PCDHGA7: variants seen among roughly 807,000 people sequenced by gnomAD.
The protein encoded by PCDHGA7 is protocadherin gamma-A7.
A neutral mutation model predicts 58.3 loss-of-function variants in PCDHGA7; 44 were observed. That is an observed-to-expected ratio of 0.75 (90% confidence interval 0.59 to 0.97). The LOEUF is 0.97. Among genes scored for constraint, PCDHGA7 ranks in the 50% least tolerant of loss-of-function variants. PCDHGA7 has a pLI of 0.00. For synonymous variants in PCDHGA7, 516 were observed against 504.2 expected (o/e 1.02, Z -0.31); for missense variants, 1,266 against 1,188.7 (o/e 1.06, Z -0.96).
At chr5:141,458,090 G>C (rs1306631184) in intron 1 of PCDHGA7, among the ~76,000 whole-genome samples, 2 of 152,234 alleles carry the variant, frequency 1.3e-5, no homozygotes, top group Non-Finnish European at 1.5e-5. Context: ...CGTAAGTTAA[G>C]AGTACTTACA....
At chr5:141,439,412 T>G (rs2098111019) in intron 1 of PCDHGA7, among the ~76,000 whole-genome samples, 1 of 152,194 alleles carries the variant, frequency 6.6e-6, no homozygotes, top group Admixed American at 6.5e-5. Flanking sequence ...CTAACATCAC[T>G]GAGGTTATAA....
chr5:141,451,740 G>A (rs370710201), intron 1 of PCDHGA7, among the ~76,000 whole-genome samples: 1 of 152,108 alleles, frequency 6.6e-6, no homozygotes, highest in Non-Finnish European at 1.5e-5. Context: ...AAATTAGCTG[G>A]TCTGGTGGTG....
intron 2 of PCDHGA7, among the ~76,000 whole-genome samples, chr5:141,501,290 TACACACACACACACACACACACAC>T (rs55762287): frequency 7.3e-6 from 1 of 136,162 alleles, no homozygotes; most frequent in African/African-American, 2.7e-5. Flanking sequence ...TATTCCCTTA[TACACACACACACACACACACACAC>T]ACACACACAC....
chr5:141,412,569 T>C (rs1469611879), intron 1 of PCDHGA7: 3 of 152,228 alleles, frequency 2.0e-5, no homozygotes, highest in Admixed American at 6.5e-5. Flanking sequence ...GTTTATTTAA[T>C]ATAATCTTTG....
At position 141,494,885 on chromosome 5, in the gene PCDHGA7, G is replaced by T; in HGVS notation, c.2483+20G>T. The T allele has an allele frequency of 6.8e-6, 11 of 1,614,082 alleles. No homozygotes were observed. The highest frequency in any genetic ancestry group is 8.5e-6 in the Non-Finnish European group (10 of 1,179,992). Reference sequence around the variant, plus strand: ...CAGCGGGTAGGTGACTGATTCTCCAGCCCACCCTCTTCTCTGCGGCATTTT... The same window carrying T: ...CAGCGGGTAGGTGACTGATTCTCCATCCCACCCTCTTCTCTGCGGCATTTT... On this transcript the variant is annotated intron_variant, in intron 2 of 3. Transcript: ENST00000518325.
Position 141,486,785 on chromosome 5 carries a change from C to G in PCDHGA7, c.2425-8022C>G, listed in dbSNP as rs763174232. The G allele has an allele frequency of 2.8e-5, 45 of 1,614,102 alleles. No homozygotes were observed. The highest frequency in any genetic ancestry group is 3.6e-5 in the Non-Finnish European group (42 of 1,180,050). On this transcript the variant is annotated intron_variant, in intron 1 of 3. Coordinates refer to ENST00000518325, the MANE Select transcript of PCDHGA7 (RefSeq NM_018920.4). The surrounding 1 kb of genome is among the most constrained non-coding windows in gnomAD (Gnocchi z 5.0). ...GACACTGCAGTTTGAGGTGCAGGCC[C>G]GGGATCGGGGCAACCCACCCCTTAG... is the stretch of plus-strand genomic sequence containing the variant.
At chr5:141,458,774 A>G (rs2154566349) in intron 1 of PCDHGA7, among the ~76,000 whole-genome samples, 1 of 151,812 alleles carries the variant, frequency 6.6e-6, no homozygotes, top group Admixed American at 6.6e-5. Flanking sequence ...GCTGTGTCAC[A>G]CAGGCTGGAG....
At position 141,476,001 on chromosome 5, in the gene PCDHGA7, C is replaced by A. The variant is rs989369008; in HGVS notation, c.2425-18806C>A. On this transcript the variant is annotated intron_variant, in intron 1 of 3. Coordinates refer to ENST00000518325, the MANE Select transcript of PCDHGA7 (RefSeq NM_018920.4). This position sits in a 1 kb window ranked among gnomAD's most constrained non-coding sequence, Gnocchi z 7.6. ...CAGCCGGCGAGCAAATCAACGGCAT[C>A]CAGAAAGCCATGTCGGACTCGGCGC... The A allele has an allele frequency of 5.7e-5, 70 of 1,235,226 alleles. No homozygotes were observed. In the Middle Eastern group the frequency reaches 8.6e-4, roughly 15 times the overall value. The allele number at this position is 1,235,226 out of a possible 1,614,324, so 76.5% of individuals were successfully genotyped here. A position where few individuals can be genotyped will look rare whatever the true frequency, so the allele number is the denominator to read the frequency against.
At chr5:141,400,608 A>G in intron 1 of PCDHGA7, 1 of 1,580,872 alleles carries the variant, frequency 6.3e-7, no homozygotes, top group Admixed American at 1.7e-5. Flanking sequence ...TTTCAAGTCC[A>G]ATGAGTTGTC....
Position 141,486,320 on chromosome 5 carries a change from G to A in PCDHGA7, c.2425-8487G>A, listed in dbSNP as rs764851576. The stretch of plus-strand genomic sequence containing the variant: ...GCAGGATCCAGACTCAGGGTCAAAC[G>A]GAGATGTGAGCCTCCGCATTCCTGA... On this transcript the variant is annotated intron_variant, in intron 1 of 3. Coordinates refer to ENST00000518325, the MANE Select transcript of PCDHGA7 (RefSeq NM_018920.4). This position sits in a 1 kb window ranked among gnomAD's most constrained non-coding sequence, Gnocchi z 5.0. The A allele has an allele frequency of 6.2e-7, 1 of 1,614,010 alleles. No individual in the cohort carries two copies. Among genetic ancestry groups the A allele is most frequent in the South Asian group, 1.1e-5 (1 of 91,060 alleles).
In PCDHGA7 at chr5:141,487,574, C is replaced by T. The variant is rs753979217; in HGVS notation, c.2425-7233C>T. ...TGCACCTATGGCAGGGGAGCCTGTTCGCCCAAGCTGCCCACCCTCTGATCT... is the reference window on the plus strand; with the variant it reads ...TGCACCTATGGCAGGGGAGCCTGTTTGCCCAAGCTGCCCACCCTCTGATCT... On this transcript the variant is annotated intron_variant, in intron 1 of 3. Transcript: ENST00000518325. This position sits in a 1 kb window ranked among gnomAD's most constrained non-coding sequence, Gnocchi z 5.0. 1.2e-5 allele frequency: 20 copies of T among 1,614,040 alleles called. 1 individual carries two copies. The highest frequency in any genetic ancestry group is 8.9e-5 in the East Asian group (4 of 44,870).
chr5:141,384,366 T>C lies in PCDHGA7; in HGVS notation c.1467T>C (p.Tyr489=), dbSNP rs573164893. The change falls in exon 1 of 4, where the codon TAT becomes TAC. Residue 489 remains tyrosine (Y), a synonymous_variant. Coordinates refer to ENST00000518325, the MANE Select transcript of PCDHGA7 (RefSeq NM_018920.4). ...GTGAGGATAATGCCCAGATCACTTA[T>C]TCCTTGGCCGAAGACACCATCCAGG... ...HDSEDNAQIT[Y]SLAEDTIQGA... is the part of the protein sequence containing the mutation. 1.2e-6 allele frequency: 2 copies of C among 1,613,896 alleles called. No homozygotes were observed. The highest frequency in any genetic ancestry group is 1.6e-4 in the Middle Eastern group (1 of 6,062).
chr5:141,446,594 A>G (rs571957656), intron 1 of PCDHGA7, among the ~76,000 whole-genome samples: 8 of 152,136 alleles, frequency 5.3e-5, no homozygotes, highest in African/African-American at 1.9e-4. Flanking sequence ...CTTCTGCCTC[A>G]GCCTCCTGAG....
rs1554175372 is a variant in PCDHGA7, at chr5:141,490,827, G to A, written c.2425-3980G>A. ...CCTTTGACTATGAATTGCTGCAGAT[G>A]CTGCAGATTGTGGTGGGGGTTCGAG... On this transcript the variant is annotated intron_variant, in intron 1 of 3. Transcript: ENST00000518325. This position sits in a 1 kb window ranked among gnomAD's most constrained non-coding sequence, Gnocchi z 5.4. 1 of 1,613,744 alleles carries A rather than the reference G, an allele frequency of 6.2e-7. No individual in the cohort carries two copies. Among genetic ancestry groups the A allele is most frequent in the Non-Finnish European group, 8.5e-7 (1 of 1,179,828 alleles).
intron 1 of PCDHGA7, among the ~76,000 whole-genome samples, chr5:141,453,823 G>A (rs2154564414): frequency 6.6e-6 from 1 of 152,250 alleles, no homozygotes; most frequent in South Asian, 2.1e-4. Flanking sequence ...GACAAACTTG[G>A]CTGCTAGCCC....
rs779735897 is a variant in PCDHGA7 at position 141,422,336 on chromosome 5, TA to T, written c.2424+37016del. 34 of 1,550,032 alleles carry T rather than the reference TA, an allele frequency of 2.2e-5. No individual in the cohort carries two copies. The East Asian group carries it at 7.2e-4, about 33-fold the overall frequency. On this transcript the variant is annotated intron_variant, in intron 1 of 3. Coordinates refer to ENST00000518325, the MANE Select transcript of PCDHGA7 (RefSeq NM_018920.4). ...CCTCCAGGTACAGTGATTGCTCTTC[TA>T]AATGTGCAAGATCAAGATTCTGGAG... is the stretch of plus-strand genomic sequence containing the variant.
Position 141,485,337 on chromosome 5 carries a change from A to G in PCDHGA7, c.2425-9470A>G, listed in dbSNP as rs147409155. On this transcript the variant is annotated intron_variant, in intron 1 of 3. Transcript: ENST00000518325. The surrounding 1 kb of genome is among the most constrained non-coding windows in gnomAD (Gnocchi z 5.7). ...AATGTCGCTCAAGATTTCCTGCTGG[A>G]TACGGACAGTCTGTCAGCTCGCAGG... 4.3e-5 allele frequency: 70 copies of G among 1,614,012 alleles called. No individual in the cohort carries two copies. Among genetic ancestry groups the G allele is most frequent in the Non-Finnish European group, 5.7e-5 (67 of 1,180,016 alleles).
chr5:141,414,408 C>A (rs1190630924), intron 1 of PCDHGA7: 1 of 1,613,752 alleles, frequency 6.2e-7, no homozygotes, highest in Non-Finnish European at 8.5e-7. Context: ...TGGTGATACA[C>A]AGAGCCCTTG....
At position 141,444,152 on chromosome 5, in the gene PCDHGA7, A is replaced by ATTT. The variant is rs747671382; in HGVS notation, c.2425-50621_2425-50619dup. 1.9e-3 allele frequency among the ~76,000 whole-genome samples: 66 copies of ATTT among 33,898 alleles called. 23 individuals are homozygous for ATTT. Among genetic ancestry groups the ATTT allele is most frequent in the African/African-American group, 4.6e-3 (33 of 7,184 alleles). The allele number at this position is 33,898 out of a possible 152,430, so 22.2% of individuals were successfully genotyped here. A position where few individuals can be genotyped will look rare whatever the true frequency, so the allele number is the denominator to read the frequency against. On this transcript the variant is annotated intron_variant, in intron 1 of 3. Transcript: ENST00000518325. Reference sequence around the variant, plus strand: ...GATATGTGTCACTTGTGTGTACTGGATTTTTTTTTTTTTTTTTTTTTTTTT... The same window carrying ATTT: ...GATATGTGTCACTTGTGTGTACTGGATTTTTTTTTTTTTTTTTTTTTTTTTTTT...
Sources: allele counts gnomAD v4.1 joint callset (sites outside exome capture counted in the v4.1 genomes callset), GRCh38; gene constraint gnomAD v4.1.1; non-coding constraint Gnocchi (gnomAD v3.1); transcripts MANE v1.5; gene names NCBI Gene and HGNC (gene_info 2026-07-23, HGNC 2026-07-21).